OR8G5: variants seen among roughly 807,000 people sequenced by gnomAD.
The protein encoded by OR8G5 is olfactory receptor 8G5.
For missense variants in OR8G5, 347 were observed against 371.9 expected, an observed-to-expected ratio of 0.93 and a Z score of 0.55; for synonymous variants, 147 against 147.7, an observed-to-expected ratio of 1.00 and a Z score of 0.03.
chr11:124,263,249 C>T (rs1390746377), intron 1 of OR8G5, among the ~76,000 whole-genome samples: 1 of 152,084 alleles, frequency 6.6e-6, no homozygotes, highest in African/African-American at 2.4e-5. Flanking sequence ...TTACCTTGAG[C>T]TTGCCATTTC....
intron 1 of OR8G5, among the ~76,000 whole-genome samples, chr11:124,257,026 A>G (rs1565318255): frequency 6.6e-6 from 1 of 152,228 alleles, no homozygotes; most frequent in Non-Finnish European, 1.5e-5. Flanking sequence ...TGGTAAGACT[A>G]TTTAATGTAG....
Position 124,266,100 on chromosome 11 carries a change from T to C in OR8G5, c.*233T>C, listed in dbSNP as rs1862028120. 2.1e-6 allele frequency: 1 copy of C among 475,496 alleles called. No homozygotes were observed. Among genetic ancestry groups the C allele is most frequent in the Non-Finnish European group, 3.6e-6 (1 of 276,906 alleles). 29.5% of individuals were successfully genotyped at this position (475,496 alleles called of 1,614,324 possible). On this transcript the variant is annotated 3_prime_UTR_variant, in exon 2 of 2. Transcript: ENST00000641992. ...CTTAGAAGAAATAATAAGATTGACA[T>C]AGTGAAATAGTGGCATAACCTGATA...
chr11:124,258,942 A>G (rs1001699599), intron 1 of OR8G5, among the ~76,000 whole-genome samples: 3 of 152,206 alleles, frequency 2.0e-5, no homozygotes, highest in African/African-American at 7.2e-5. Flanking sequence ...CAATTGCTTT[A>G]TCATCTATTA....
intron 1 of OR8G5, among the ~76,000 whole-genome samples, chr11:124,262,406 A>G (rs780716917): frequency 6.6e-6 from 1 of 151,812 alleles, no homozygotes; most frequent in Non-Finnish European, 1.5e-5. Flanking sequence ...TGAATTGAAA[A>G]TTCAATTTAA....
chr11:124,263,940 GTC>G (rs923171305), intron 1 of OR8G5, among the ~76,000 whole-genome samples: 3 of 152,054 alleles, frequency 2.0e-5, no homozygotes, highest in Admixed American at 6.6e-5. Flanking sequence ...TTAATTGTGT[GTC>G]TCTACTTTTT....
At chr11:124,257,444 A>T (rs1861924488) in intron 1 of OR8G5, among the ~76,000 whole-genome samples, 1 of 152,196 alleles carries the variant, frequency 6.6e-6, no homozygotes, top group South Asian at 2.1e-4. Context: ...GTTGAGGCTT[A>T]AATACTCTCT....
Position 124,265,282 on chromosome 11 carries a change from A to C in OR8G5, c.351A>C (p.Ala117=). ...FAIAECHMLA[A]MAYDGYVAIC... is the part of the protein sequence containing the mutation. ...TTGCAGAGTGTCACATGTTGGCTGC[A>C]ATGGCATATGACGGCTACGTGGCCA... The change falls in exon 2 of 2, where the codon GCA becomes GCC. Residue 117 remains alanine, a synonymous_variant. Transcript: ENST00000641992. 1 of 1,614,062 alleles carries C rather than the reference A, an allele frequency of 6.2e-7. No individual in the cohort carries two copies. Among genetic ancestry groups the C allele is most frequent in the Non-Finnish European group, 8.5e-7 (1 of 1,179,904 alleles).
chr11:124,265,881 G>A lies in OR8G5; in HGVS notation c.*14G>A. ...ACATTCTTATGAACAGAAGTACAAT[G>A]AAAAAGATTGCATTAGATCTAAGTT... On this transcript the variant is annotated 3_prime_UTR_variant, in exon 2 of 2. Transcript: ENST00000641992. 1.3e-6 allele frequency: 2 copies of A among 1,582,250 alleles called. No homozygotes were observed. Among genetic ancestry groups the A allele is most frequent in the Admixed American group, 1.8e-5 (1 of 54,478 alleles).
chr11:124,259,130 A>G (rs1055941337), intron 1 of OR8G5, among the ~76,000 whole-genome samples: 37 of 151,626 alleles, frequency 2.4e-4, no homozygotes, highest in Non-Finnish European at 8.8e-5. Flanking sequence ...CTGGATGATC[A>G]TCATCATTGA....
chr11:124,259,924 G>A (rs769613533), intron 1 of OR8G5, among the ~76,000 whole-genome samples: 2 of 152,016 alleles, frequency 1.3e-5, no homozygotes, highest in Non-Finnish European at 2.9e-5. Flanking sequence ...TGATTGAGAC[G>A]AGCTGTATTC....
intron 1 of OR8G5, among the ~76,000 whole-genome samples, chr11:124,262,116 A>T (rs1245818558): frequency 1.3e-5 from 2 of 150,884 alleles, no homozygotes; most frequent in African/African-American, 4.8e-5. Context: ...AGGACAGGAA[A>T]TCATGCTAAA....
chr11:124,263,569 G>C lies in OR8G5; in HGVS notation c.-14-1349G>C, dbSNP rs1043593192. Among the ~76,000 whole-genome samples the C allele has an allele frequency of 5.8e-5, 8 of 138,342 alleles. No individual in the cohort carries two copies. In the South Asian group the frequency reaches 1.1e-3, roughly 19 times the overall value. The allele number at this position is 138,342 out of a possible 152,430, so 90.8% of individuals were successfully genotyped here. ...TGTGTCCATGTGTTCTCATTGTTCAGTTCCCACCTATGAGTGAGAACATGC... is the reference window on the plus strand; with the variant it reads ...TGTGTCCATGTGTTCTCATTGTTCACTTCCCACCTATGAGTGAGAACATGC... On this transcript the variant is annotated intron_variant, in intron 1 of 1. Coordinates refer to ENST00000641992, the MANE Select transcript of OR8G5 (RefSeq NM_001005198.2).
chr11:124,261,828 T>C (rs537252931), intron 1 of OR8G5, among the ~76,000 whole-genome samples: 1 of 152,014 alleles, frequency 6.6e-6, no homozygotes, highest in South Asian at 2.1e-4. Flanking sequence ...TGATTCAGAG[T>C]ATGTTTGTTA....
intron 1 of OR8G5, among the ~76,000 whole-genome samples, chr11:124,260,639 A>C (rs1304567711): frequency 1.3e-5 from 2 of 151,604 alleles, no homozygotes; most frequent in Non-Finnish European, 3.0e-5. Context: ...TATAATAGTG[A>C]GTCTTATTAT....
chr11:124,265,652 T>C lies in OR8G5; in HGVS notation c.721T>C (p.Cys241Arg), dbSNP rs1198632420. 6 of 1,614,010 alleles carry C rather than the reference T, an allele frequency of 3.7e-6. No homozygotes were observed. The change falls in exon 2 of 2, where the codon TGC becomes CGC. Residue 241 changes from cysteine to arginine, a missense_variant. By Grantham distance (180) the Cys-to-Arg change is radical. Transcript: ENST00000641992. ...TEGRSKAFST[C>R]SSHISAVSVF... ...GGGCAGGTCCAAAGCCTTCAGCACT[T>C]GCAGCTCCCACATCTCGGCTGTTTC...
At chr11:124,258,923 A>G (rs1468016394) in intron 1 of OR8G5, among the ~76,000 whole-genome samples, 1 of 152,240 alleles carries the variant, frequency 6.6e-6, no homozygotes, top group African/African-American at 2.4e-5. Context: ...TAAATAAGCT[A>G]TGAATTTTCA....
chr11:124,260,458 G>A (rs1861958831), intron 1 of OR8G5, among the ~76,000 whole-genome samples: 1 of 151,826 alleles, frequency 6.6e-6, no homozygotes, highest in Admixed American at 6.6e-5. Context: ...AAACCCCCAT[G>A]ACACAAGTTT....
At chr11:124,259,304 AT>A (rs1474804980) in intron 1 of OR8G5, among the ~76,000 whole-genome samples, 1 of 152,226 alleles carries the variant, frequency 6.6e-6, no homozygotes, top group African/African-American at 2.4e-5. Flanking sequence ...AAAATTTGAA[AT>A]TTGACAAAGA....
intron 1 of OR8G5, among the ~76,000 whole-genome samples, chr11:124,257,046 TA>T (rs1485193172): frequency 1.3e-5 from 2 of 152,102 alleles, no homozygotes; most frequent in Non-Finnish European, 2.9e-5. Flanking sequence ...GAAGGAACAG[TA>T]AACAAAAAGT....
Sources: gnomAD v4.1 joint callset for allele counts (sites outside exome capture counted in the v4.1 genomes callset) on GRCh38, gnomAD v4.1.1 for gene constraint, MANE v1.5 for transcripts, NCBI Gene and HGNC (gene_info 2026-07-23, HGNC 2026-07-21) for gene names.